DLC1: variants seen among roughly 807,000 people sequenced by gnomAD.
The protein encoded by DLC1 is rho GTPase-activating protein 7.
DLC1 carries 54 observed loss-of-function variants against 140.3 expected under a neutral mutation model. That is an observed-to-expected ratio of 0.38 (90% CI 0.31 to 0.48). DLC1 has a LOEUF of 0.48. Ranked by LOEUF, DLC1 falls within the 20% of genes least tolerant of loss-of-function variation. The pLI, the probability that DLC1 is intolerant of heterozygous loss-of-function variation, is 0.96. For missense variants in DLC1, 2,536 were observed against 1,907.0 expected (o/e 1.33, Z -6.14); for synonymous variants, 986 against 728.1 (o/e 1.35, Z -5.70).
intron 5 of DLC1, among the ~76,000 whole-genome samples, chr8:13,232,435 G>A (rs1441291515): frequency 3.3e-5 from 5 of 152,060 alleles, no homozygotes; most frequent in Non-Finnish European, 7.3e-5. Context: ...CCGGGTTCAA[G>A]CGATTCTCCT....
intron 2 of DLC1, among the ~76,000 whole-genome samples, chr8:13,488,399 C>A (rs943719136): frequency 2.0e-5 from 3 of 152,046 alleles, no homozygotes; most frequent in Non-Finnish European, 2.9e-5. Context: ...GCTATAAAGC[C>A]AGCATCATTT....
At chr8:13,396,437 C>G (rs962889642) in intron 3 of DLC1, among the ~76,000 whole-genome samples, 2 of 152,174 alleles carry the variant, frequency 1.3e-5, no homozygotes, top group Non-Finnish European at 2.9e-5. Flanking sequence ...GTAATGCTTC[C>G]AAGGTGAAAT....
chr8:13,494,197 T>G (rs562232772), intron 2 of DLC1, among the ~76,000 whole-genome samples: 12 of 152,348 alleles, frequency 7.9e-5, no homozygotes, highest in African/African-American at 2.4e-4. Flanking sequence ...TCACAACGTG[T>G]CATGATATAT....
intron 7 of DLC1, among the ~76,000 whole-genome samples, chr8:13,109,047 G>C (rs1563615109): frequency 6.6e-6 from 1 of 152,146 alleles, no homozygotes; most frequent in Non-Finnish European, 1.5e-5. Flanking sequence ...AGGACTGTTT[G>C]TTTTTTCCTC....
chr8:13,185,324 T>TTTTTTTTA (rs57580943), intron 5 of DLC1, among the ~76,000 whole-genome samples: 1 of 136,236 alleles, frequency 7.3e-6, no homozygotes, highest in South Asian at 2.5e-4. Context: ...TTGTTTGTTT[T>TTTTTTTTA]TGAGATGGAG....
chr8:13,206,880 A>G (rs1384635686), intron 5 of DLC1, among the ~76,000 whole-genome samples: 2 of 152,160 alleles, frequency 1.3e-5, no homozygotes, highest in African/African-American at 4.8e-5. Context: ...CAAAAATCAA[A>G]TAACTCAAAT....
At chr8:13,420,529 G>A (rs1290318630) in intron 2 of DLC1, among the ~76,000 whole-genome samples, 1 of 151,994 alleles carries the variant, frequency 6.6e-6, no homozygotes, top group East Asian at 1.9e-4. Context: ...GCATGCATTA[G>A]GTATTTGTCC....
At chr8:13,210,370 A>G (rs1827878518) in intron 5 of DLC1, among the ~76,000 whole-genome samples, 1 of 152,202 alleles carries the variant, frequency 6.6e-6, no homozygotes, top group Non-Finnish European at 1.5e-5. Context: ...AATGACATCA[A>G]CAATGTCATT....
intron 5 of DLC1, among the ~76,000 whole-genome samples, chr8:13,175,329 AT>A (rs1825701666): frequency 1.8e-5 from 2 of 112,830 alleles, no homozygotes; most frequent in Non-Finnish European, 3.8e-5. Flanking sequence ...GCTTAGGATT[AT>A]TTTTGCTATT....
At chr8:13,446,651 G>C (rs572160220) in intron 2 of DLC1, among the ~76,000 whole-genome samples, 9 of 151,930 alleles carry the variant, frequency 5.9e-5, no homozygotes, top group Non-Finnish European at 1.3e-4. Flanking sequence ...AGAAAAGAAA[G>C]GAAATAAGAA....
intron 2 of DLC1, among the ~76,000 whole-genome samples, chr8:13,445,969 G>C (rs1397759776): frequency 6.6e-6 from 1 of 152,120 alleles, no homozygotes; most frequent in Non-Finnish European, 1.5e-5. Flanking sequence ...GCAAGGGAAT[G>C]GTTTAAGTCC....
chr8:13,280,654 C>T (rs760563286), intron 5 of DLC1, among the ~76,000 whole-genome samples: 32 of 152,046 alleles, frequency 2.1e-4, no homozygotes, highest in Non-Finnish European at 3.8e-4. Context: ...ATGTTAGAGA[C>T]CTCTTCTTTT....
At chr8:13,204,559 A>T (rs982982763) in intron 5 of DLC1, among the ~76,000 whole-genome samples, 1 of 152,204 alleles carries the variant, frequency 6.6e-6, no homozygotes, top group Non-Finnish European at 1.5e-5. Flanking sequence ...CTTTTACTTC[A>T]TACACACACA....
chr8:13,153,212 T>G (rs1320001792), intron 5 of DLC1, among the ~76,000 whole-genome samples: 1 of 152,202 alleles, frequency 6.6e-6, no homozygotes, highest in Non-Finnish European at 1.5e-5. Flanking sequence ...GTTTTTTTCC[T>G]TCTGGTGGGT....
intron 5 of DLC1, among the ~76,000 whole-genome samples, chr8:13,264,052 T>TTTATTTATTTATTTA (rs1554484717): frequency 3.4e-4 from 49 of 143,094 alleles, no homozygotes; most frequent in Non-Finnish European, 4.7e-4. Flanking sequence ...ATAAGAAGCT[T>TTTATTTATTTATTTA]TTTATTTATT....
At chr8:13,459,064 A>T (rs767496324) in intron 2 of DLC1, among the ~76,000 whole-genome samples, 5 of 152,250 alleles carry the variant, frequency 3.3e-5, no homozygotes, top group Non-Finnish European at 4.4e-5. Context: ...ATATTTAATA[A>T]TGAAATATGA....
At chr8:13,178,572 CA>C (rs75910995) in intron 5 of DLC1, among the ~76,000 whole-genome samples, 21,636 of 79,060 alleles carry the variant, frequency 0.27, 1,684 homozygotes, top group African/African-American at 0.38. Context: ...GACTCTGCCT[CA>C]AAAAAAAAAA....
chr8:13,227,175 A>T (rs1828831575), intron 5 of DLC1, among the ~76,000 whole-genome samples: 1 of 152,176 alleles, frequency 6.6e-6, no homozygotes. Flanking sequence ...AGTGATTATT[A>T]GTGATAATTG....
At chr8:13,122,301 T>C (rs1169359153) in intron 5 of DLC1, among the ~76,000 whole-genome samples, 2 of 152,322 alleles carry the variant, frequency 1.3e-5, no homozygotes, top group South Asian at 4.1e-4. Flanking sequence ...AATGTAAGCT[T>C]GCTCCAGGCT....
Sources: gnomAD v4.1 joint callset for allele counts (sites outside exome capture counted in the v4.1 genomes callset) on GRCh38, gnomAD v4.1.1 for gene constraint, MANE v1.5 for transcripts, NCBI Gene and HGNC (gene_info 2026-07-23, HGNC 2026-07-21) for gene names.